The following ERP44 variants were observed in gnomAD, a reference collection of about 807,000 sequenced individuals.
The protein encoded by ERP44 is endoplasmic reticulum resident protein 44.
ERP44 carries 25 observed loss-of-function variants against 53.4 expected under a neutral mutation model. That is an observed-to-expected ratio of 0.47 (90% CI 0.34 to 0.65). The LOEUF (loss-of-function observed/expected upper bound fraction) is 0.65. Among genes scored for constraint, ERP44 ranks in the 30% least tolerant of loss-of-function variants. The pLI is 0.01. For synonymous variants in ERP44, 145 were observed against 161.2 expected (o/e 0.90, Z 0.76); for missense variants, 338 against 493.2 (o/e 0.69, Z 2.98).
intron 4 of ERP44, among the ~76,000 whole-genome samples, chr9:100,036,596 C>T (rs964428166): frequency 5.9e-5 from 9 of 152,042 alleles, no homozygotes; most frequent in African/African-American, 1.2e-4. Flanking sequence ...CTCAAAACAC[C>T]GCAATATGCC....
At chr9:100,073,525 T>G (rs1210892280) in intron 1 of ERP44, among the ~76,000 whole-genome samples, 1 of 152,212 alleles carries the variant, frequency 6.6e-6, no homozygotes, top group African/African-American at 2.4e-5. Context: ...GCTGAACTAA[T>G]AATCTAAGGC....
At chr9:100,038,688 A>T (rs1468157374) in intron 4 of ERP44, among the ~76,000 whole-genome samples, 1 of 152,142 alleles carries the variant, frequency 6.6e-6, no homozygotes, top group Non-Finnish European at 1.5e-5. Flanking sequence ...CTCTTCAATC[A>T]AAAGACACAG....
At chr9:100,035,461 AG>A (rs1288449991) in intron 4 of ERP44, among the ~76,000 whole-genome samples, 1 of 152,210 alleles carries the variant, frequency 6.6e-6, no homozygotes, top group East Asian at 1.9e-4. Context: ...GGATCACCTG[AG>A]GTCAGGTGTT....
chr9:100,007,233 T>C (rs1830432315), intron 9 of ERP44, among the ~76,000 whole-genome samples: 1 of 152,244 alleles, frequency 6.6e-6, no homozygotes, highest in South Asian at 2.1e-4. Flanking sequence ...AATCAGACTG[T>C]GTAAGCTCTC....
At chr9:100,010,679 A>C (rs1830466098) in intron 8 of ERP44, among the ~76,000 whole-genome samples, 1 of 152,190 alleles carries the variant, frequency 6.6e-6, no homozygotes, top group Non-Finnish European at 1.5e-5. Flanking sequence ...AGGCGGGTGG[A>C]TCACCTGAGG....
At chr9:100,026,748 G>C (rs147035607) in intron 4 of ERP44, among the ~76,000 whole-genome samples, 1 of 152,264 alleles carries the variant, frequency 6.6e-6, no homozygotes, top group Non-Finnish European at 1.5e-5. Context: ...TAGCCTAGCT[G>C]GTGCCTACTT....
At chr9:99,997,599 G>A (rs746938371) in intron 10 of ERP44, among the ~76,000 whole-genome samples, 1 of 151,900 alleles carries the variant, frequency 6.6e-6, no homozygotes, top group Non-Finnish European at 1.5e-5. Context: ...ATCCCTTCCC[G>A]AACAAAATTT....
chr9:100,011,915 G>T (rs1255779781), intron 8 of ERP44, among the ~76,000 whole-genome samples: 1 of 152,140 alleles, frequency 6.6e-6, no homozygotes, highest in Non-Finnish European at 1.5e-5. Context: ...TGAAATATTT[G>T]CATTATTCTT....
intron 6 of ERP44, among the ~76,000 whole-genome samples, chr9:100,018,694 G>A (rs1436051150): frequency 2.0e-5 from 3 of 151,908 alleles, no homozygotes; most frequent in Non-Finnish European, 4.4e-5. Flanking sequence ...TTGTTTATTT[G>A]TCCATTGTTG....
chr9:99,983,459 G>GGCGT (rs1230173521), intron 11 of ERP44, among the ~76,000 whole-genome samples: 1 of 150,602 alleles, frequency 6.6e-6, no homozygotes, highest in African/African-American at 2.4e-5. Context: ...GCAGGAGAAT[G>GGCGT]GCGTGAACCC....
chr9:100,085,560 G>C (rs1826470470), intron 1 of ERP44, among the ~76,000 whole-genome samples: 1 of 152,234 alleles, frequency 6.6e-6, no homozygotes, highest in South Asian at 2.1e-4. Flanking sequence ...GTGTACGTAA[G>C]TTAAGGTTAC....
intron 1 of ERP44, among the ~76,000 whole-genome samples, chr9:100,075,970 G>GA (rs1826351184): frequency 6.6e-6 from 1 of 152,196 alleles, no homozygotes; most frequent in African/African-American, 2.4e-5. Context: ...CTCAGTGGCA[G>GA]ATAGGGATGC....
chr9:100,026,877 A>G (rs929038653), intron 4 of ERP44, among the ~76,000 whole-genome samples: 5 of 151,932 alleles, frequency 3.3e-5, no homozygotes, highest in Non-Finnish European at 7.3e-5. Flanking sequence ...AATACAAAAC[A>G]TATATTTTCC....
chr9:100,021,488 T>C (rs1221220680), intron 5 of ERP44, among the ~76,000 whole-genome samples: 1 of 152,202 alleles, frequency 6.6e-6, no homozygotes, highest in Non-Finnish European at 1.5e-5. Context: ...TTGGTTAGCT[T>C]AGCTTGCAAG....
chr9:100,024,298 C>G (rs1395770422), intron 4 of ERP44, among the ~76,000 whole-genome samples: 2 of 149,004 alleles, frequency 1.3e-5, no homozygotes, highest in Non-Finnish European at 3.0e-5. Context: ...TAAAAAAGAT[C>G]TCTGTTTGCT....
intron 4 of ERP44, among the ~76,000 whole-genome samples, chr9:100,024,126 A>G (rs931953169): frequency 1.3e-5 from 2 of 151,716 alleles, no homozygotes; most frequent in African/African-American, 4.9e-5. Context: ...TGCACTCCAG[A>G]CTGGGTGACA....
intron 1 of ERP44, among the ~76,000 whole-genome samples, chr9:100,067,677 C>G (rs1826233854): frequency 6.6e-6 from 1 of 151,828 alleles, no homozygotes; most frequent in Admixed American, 6.6e-5. Flanking sequence ...AGGAGCCCCT[C>G]TGCCTGGCTG....
chr9:100,017,884 T>C (rs891315041), intron 7 of ERP44, among the ~76,000 whole-genome samples: 1 of 152,132 alleles, frequency 6.6e-6, no homozygotes, highest in African/African-American at 2.4e-5. Flanking sequence ...ATTTGGGAGT[T>C]TGGCTAGTAC....
chr9:100,033,355 A>T (rs755021196), intron 4 of ERP44, among the ~76,000 whole-genome samples: 1 of 152,182 alleles, frequency 6.6e-6, no homozygotes, highest in African/African-American at 2.4e-5. Context: ...GACCTGTGGT[A>T]AGTAAAGAAT....
Sources: gnomAD v4.1 joint callset for allele counts (sites outside exome capture counted in the v4.1 genomes callset) on GRCh38, gnomAD v4.1.1 for gene constraint, MANE v1.5 for transcripts, NCBI Gene and HGNC (gene_info 2026-07-23, HGNC 2026-07-21) for gene names.